EBF1: variants seen among roughly 807,000 people sequenced by gnomAD.
EBF1 encodes the protein transcription factor COE1.
EBF1 carries 10 observed loss-of-function variants against 68.4 expected under a neutral mutation model. That is an observed-to-expected ratio of 0.15 (90% confidence interval 0.09 to 0.25). The LOEUF (loss-of-function observed/expected upper bound fraction) is 0.25, where lower values mean the gene tolerates loss of function less well. Ranked by LOEUF, EBF1 falls within the 10% of genes least tolerant of loss-of-function variation. The probability of loss-of-function intolerance (pLI) is 1.00; values close to 1 mark genes in which losing one functional copy is unlikely to be tolerated. For synonymous variants in EBF1, 298 were observed against 299.8 expected (o/e 0.99, Z 0.06); for missense variants, 509 against 794.4 (o/e 0.64, Z 4.32).
intron 6 of EBF1, among the ~76,000 whole-genome samples, chr5:158,869,678 C>T (rs1796546847): frequency 1.3e-5 from 2 of 152,026 alleles, no homozygotes; most frequent in African/African-American, 4.8e-5. Flanking sequence ...TCCAAGGTCT[C>T]CCCATCCCCT....
At chr5:159,098,336 CGA>C (rs1783023991) in intron 1 of EBF1, among the ~76,000 whole-genome samples, 2 of 152,124 alleles carry the variant, frequency 1.3e-5, no homozygotes, top group African/African-American at 2.4e-5. Flanking sequence ...TAGGGAGCTG[CGA>C]GTGAGAGAAG....
chr5:158,762,604 C>T (rs1032382243), intron 10 of EBF1, among the ~76,000 whole-genome samples: 1 of 152,212 alleles, frequency 6.6e-6, no homozygotes, highest in African/African-American at 2.4e-5. Flanking sequence ...GGCACAATCT[C>T]AGCTCACTAC....
intron 6 of EBF1, among the ~76,000 whole-genome samples, chr5:158,914,167 T>C (rs1352678785): frequency 2.0e-5 from 3 of 152,168 alleles, no homozygotes; most frequent in Admixed American, 6.5e-5. Flanking sequence ...TCATCTTACA[T>C]GCATTTTTTT....
At chr5:158,848,984 A>G (rs1040866541) in intron 6 of EBF1, among the ~76,000 whole-genome samples, 5 of 152,210 alleles carry the variant, frequency 3.3e-5, no homozygotes, top group Non-Finnish European at 7.3e-5. Context: ...TACTCAACCA[A>G]CAGACCTTTC....
At chr5:158,916,865 T>A (rs1442186898) in intron 6 of EBF1, among the ~76,000 whole-genome samples, 1 of 152,196 alleles carries the variant, frequency 6.6e-6, no homozygotes, top group Non-Finnish European at 1.5e-5. Flanking sequence ...TTTGGAGCCA[T>A]TGTCTCCCCT....
chr5:158,964,202 A>T (rs547436942), intron 6 of EBF1, among the ~76,000 whole-genome samples: 69 of 152,332 alleles, frequency 4.5e-4, no homozygotes, highest in Non-Finnish European at 8.8e-4. Context: ...GTGAGTGTGC[A>T]TCAGTGCAAA....
intron 6 of EBF1, among the ~76,000 whole-genome samples, chr5:158,954,421 C>A (rs1418595472): frequency 3.9e-5 from 6 of 152,214 alleles, no homozygotes; most frequent in African/African-American, 2.4e-5. Context: ...AAATTGCAAC[C>A]AGTTTATAAT....
chr5:158,914,343 G>A (rs1378655039), intron 6 of EBF1, among the ~76,000 whole-genome samples: 1 of 152,132 alleles, frequency 6.6e-6, no homozygotes, highest in Non-Finnish European at 1.5e-5. Flanking sequence ...TAATGGCACT[G>A]TCTCATTGCA....
chr5:159,020,363 C>G (rs978261303), intron 6 of EBF1, among the ~76,000 whole-genome samples: 7 of 152,200 alleles, frequency 4.6e-5, no homozygotes, highest in Admixed American at 1.3e-4. Flanking sequence ...ATGTCTTACC[C>G]ATTTGTGTCC....
intron 6 of EBF1, among the ~76,000 whole-genome samples, chr5:158,933,335 A>G (rs1033537961): frequency 6.6e-6 from 1 of 152,206 alleles, no homozygotes; most frequent in African/African-American, 2.4e-5. Flanking sequence ...AGGATAACAT[A>G]ATTACAACTA....
At chr5:158,788,560 T>A (rs921447038) in intron 9 of EBF1, among the ~76,000 whole-genome samples, 1 of 152,168 alleles carries the variant, frequency 6.6e-6, no homozygotes, top group African/African-American at 2.4e-5. Flanking sequence ...CAGTAAAGGT[T>A]GTATAAGGTA....
chr5:158,919,600 C>T (rs1390949748), intron 6 of EBF1, among the ~76,000 whole-genome samples: 1 of 152,108 alleles, frequency 6.6e-6, no homozygotes, highest in Non-Finnish European at 1.5e-5. Flanking sequence ...AATAAATAAA[C>T]ACCAGGGAAC....
chr5:158,898,827 G>C lies in EBF1; in HGVS notation c.555-58717C>G, dbSNP rs1181410593. On this transcript the variant is annotated intron_variant, in intron 6 of 15. Transcript: ENST00000313708. The stretch of plus-strand genomic sequence containing the variant: ...GATTTAGGAAGGATCCACGTTACAG[G>C]GCAGTGAAAGACTGCCTGAGGTGGT... Among the ~76,000 whole-genome samples the C allele has an allele frequency of 2.6e-5, 4 of 152,170 alleles. No individual in the cohort carries two copies. In the South Asian group the frequency reaches 6.2e-4, roughly 24 times the overall value.
chr5:158,753,100 A>G (rs1769283724), intron 10 of EBF1, among the ~76,000 whole-genome samples: 1 of 152,128 alleles, frequency 6.6e-6, no homozygotes, highest in South Asian at 2.1e-4. Context: ...CATGAACTAT[A>G]GTAAGAAAGC....
intron 9 of EBF1, among the ~76,000 whole-genome samples, chr5:158,791,091 C>T (rs1368793178): frequency 6.6e-6 from 1 of 151,990 alleles, no homozygotes; most frequent in African/African-American, 2.4e-5. Flanking sequence ...GAGGCTGAGG[C>T]GGGCAGATCA....
rs182537107 is a variant in EBF1, at chr5:158,940,335, G to A, written c.555-100225C>T. 2.6e-3 allele frequency among the ~76,000 whole-genome samples: 400 copies of A among 152,270 alleles called. 1 individual carries two copies. The highest frequency in any genetic ancestry group is 9.1e-3 in the African/African-American group (378 of 41,546). On this transcript the variant is annotated intron_variant, in intron 6 of 15. Coordinates refer to ENST00000313708, the MANE Select transcript of EBF1 (RefSeq NM_024007.5). ...AGAATTGGAGGTCCCACATCAGATC[G>A]CGACGAGTCCAGGGAGTAGTAATAA...
At chr5:158,758,806 T>C (rs1410230758) in intron 10 of EBF1, among the ~76,000 whole-genome samples, 2 of 152,158 alleles carry the variant, frequency 1.3e-5, no homozygotes, top group East Asian at 3.8e-4. Context: ...TTCCTCTAGC[T>C]CCAAACTGAC....
At chr5:158,921,557 T>G (rs1442401287) in intron 6 of EBF1, among the ~76,000 whole-genome samples, 1 of 152,132 alleles carries the variant, frequency 6.6e-6, no homozygotes, top group Non-Finnish European at 1.5e-5. Flanking sequence ...ATCCTTCAGG[T>G]TCACAAATGA....
At position 158,872,996 on chromosome 5, in the gene EBF1, A is replaced by ATTTTTTTTT. The variant is rs539493620; in HGVS notation, c.555-32895_555-32887dup. 7.5e-4 allele frequency among the ~76,000 whole-genome samples: 61 copies of ATTTTTTTTT among 81,120 alleles called. 4 individuals carry two copies. In the South Asian group the frequency reaches 8.7e-3, roughly 12 times the overall value. The allele number at this position is 81,120 out of a possible 152,430, so 53.2% of individuals were successfully genotyped here. A position where few individuals can be genotyped will look rare whatever the true frequency, so the allele number is the denominator to read the frequency against. On this transcript the variant is annotated intron_variant, in intron 6 of 15. Coordinates refer to ENST00000313708, the MANE Select transcript of EBF1 (RefSeq NM_024007.5). ...GGCTCTTCAGTCAAGAATGACACTAATTTTTTTTTTTTTTTTTTTTTTTTT... is the reference window on the plus strand; with the variant it reads ...GGCTCTTCAGTCAAGAATGACACTAATTTTTTTTTTTTTTTTTTTTTTTTTTTTTTTTTT...
Sources: allele counts gnomAD v4.1 joint callset (sites outside exome capture counted in the v4.1 genomes callset), GRCh38; gene constraint gnomAD v4.1.1; transcripts MANE v1.5; gene names NCBI Gene and HGNC (gene_info 2026-07-23, HGNC 2026-07-21).